Variants in GADL1 observed in about 807,000 individuals in gnomAD.
GADL1 encodes the protein acidic amino acid decarboxylase GADL1.
Under a neutral mutation model 69.5 loss-of-function variants are expected in GADL1, and 71 were observed. That is an observed-to-expected ratio of 1.02 (90% CI 0.84 to 1.25). The LOEUF is 1.25. Ranked by LOEUF, GADL1 falls within the 50% of genes most tolerant of loss-of-function variation. GADL1 has a pLI of 0.00. For missense variants in GADL1, 737 were observed against 631.8 expected (o/e 1.17, Z -1.79); for synonymous variants, 254 against 214.4 (o/e 1.18, Z -1.62).
At chr3:30,873,060 A>G (rs1174402889) in intron 1 of GADL1, among the ~76,000 whole-genome samples, 1 of 151,914 alleles carries the variant, frequency 6.6e-6, no homozygotes, top group Non-Finnish European at 1.5e-5. Context: ...TAGTGCAGTC[A>G]TAGCAAAAAG....
chr3:30,893,590 T>C (rs1240971946), intron 1 of GADL1, among the ~76,000 whole-genome samples: 1 of 152,200 alleles, frequency 6.6e-6, no homozygotes, highest in Non-Finnish European at 1.5e-5. Context: ...GTGCCAGGTT[T>C]TATTATGCCA....
chr3:30,757,617 G>A (rs1696007926), intron 14 of GADL1, among the ~76,000 whole-genome samples: 1 of 152,032 alleles, frequency 6.6e-6, no homozygotes, highest in African/African-American at 2.4e-5. Context: ...TATTTTCTAG[G>A]GCACATAACC....
intron 1 of GADL1, among the ~76,000 whole-genome samples, chr3:30,890,438 C>T (rs1698772223): frequency 6.6e-6 from 1 of 152,126 alleles, no homozygotes; most frequent in South Asian, 2.1e-4. Flanking sequence ...ATGGGCAATA[C>T]AGCCTTTACC....
At chr3:30,812,314 C>T (rs558481653) in intron 11 of GADL1, among the ~76,000 whole-genome samples, 39 of 152,200 alleles carry the variant, frequency 2.6e-4, no homozygotes, top group Non-Finnish European at 2.4e-4. Flanking sequence ...GTATATTAGT[C>T]TGTTTTCATG....
At chr3:30,859,959 T>TC in intron 2 of GADL1, among the ~76,000 whole-genome samples, 1 of 151,986 alleles carries the variant, frequency 6.6e-6, no homozygotes, top group South Asian at 2.1e-4. Flanking sequence ...ATCTTATTAG[T>TC]CCCCTGTGTG....
chr3:30,846,074 A>G (rs9842068), intron 6 of GADL1, among the ~76,000 whole-genome samples: 74,531 of 149,866 alleles, frequency 0.5, 20,930 homozygotes, highest in African/African-American at 0.76. Context: ...AAAAACAAAA[A>G]ACTGCAAAAC....
intron 4 of GADL1, 54 bp downstream of exon 4, chr3:30,854,645 A>G (rs757874638): frequency 2.5e-4 from 257 of 1,020,344 alleles, no homozygotes; most frequent in Non-Finnish European, 3.7e-4. Context: ...AATTTCATCT[A>G]CTTAAAGTCT....
intron 4 of GADL1, 29 bp downstream of exon 4, chr3:30,854,670 G>C: frequency 7.5e-7 from 1 of 1,326,184 alleles, no homozygotes; most frequent in Non-Finnish European, 1.1e-6. Context: ...TCCACGTTTG[G>C]TGTGAAATTT....
chr3:30,729,074 G>A (rs1408007804), intron 14 of GADL1, among the ~76,000 whole-genome samples: 1 of 152,124 alleles, frequency 6.6e-6, no homozygotes, highest in Admixed American at 6.6e-5. Context: ...AGATGTAAAT[G>A]TGGTAATAAA....
At chr3:30,776,835 C>CT (rs1342108050) in intron 14 of GADL1, among the ~76,000 whole-genome samples, 3 of 152,208 alleles carry the variant, frequency 2.0e-5, no homozygotes, top group Non-Finnish European at 4.4e-5. Flanking sequence ...ATCACTGCTT[C>CT]TTTGCACCCC....
intron 11 of GADL1, among the ~76,000 whole-genome samples, chr3:30,810,252 G>A (rs893963662): frequency 8.5e-5 from 13 of 152,112 alleles, no homozygotes; most frequent in African/African-American, 4.8e-5. Flanking sequence ...GGTTTCCCAC[G>A]AAATGTGATT....
In GADL1 at chr3:30,863,971, T is replaced by G. The variant is rs573511794; in HGVS notation, c.38-2206A>C. ...AATCTGCAGCAAAGGATCAATCTTT[T>G]GTCCTCTCACTGAAAAAGAAGCCAT... On this transcript the variant is annotated intron_variant, in intron 1 of 14. Coordinates refer to ENST00000282538, the MANE Select transcript of GADL1 (RefSeq NM_207359.3). Among the ~76,000 whole-genome samples the G allele has an allele frequency of 7.9e-5, 12 of 152,166 alleles. No individual in the cohort carries two copies. In the South Asian group the frequency reaches 2.5e-3, roughly 32 times the overall value.
chr3:30,771,828 T>C (rs1342341047), intron 14 of GADL1, among the ~76,000 whole-genome samples: 2 of 152,224 alleles, frequency 1.3e-5, no homozygotes, highest in Non-Finnish European at 2.9e-5. Flanking sequence ...TGCATGTGTG[T>C]ATGCATATCT....
intron 8 of GADL1, among the ~76,000 whole-genome samples, chr3:30,840,594 T>C (rs1344936920): frequency 1.3e-5 from 2 of 152,182 alleles, no homozygotes; most frequent in African/African-American, 2.4e-5. Flanking sequence ...AGAAAAATAA[T>C]TTACTAAAAC....
At chr3:30,864,519 A>G (rs956988299) in intron 1 of GADL1, among the ~76,000 whole-genome samples, 2 of 152,030 alleles carry the variant, frequency 1.3e-5, no homozygotes, top group Admixed American at 1.3e-4. Flanking sequence ...ATCTAGGAGA[A>G]AATACTGTAA....
At chr3:30,776,529 G>GAT (rs1311055841) in intron 14 of GADL1, among the ~76,000 whole-genome samples, 2 of 152,218 alleles carry the variant, frequency 1.3e-5, no homozygotes, top group African/African-American at 4.8e-5. Context: ...TAAGGGCACA[G>GAT]ATATAACACC....
Position 30,760,434 on chromosome 3 carries a change from G to A in GADL1, c.1392+17745C>T, listed in dbSNP as rs184485337. ...CTAAATTCTGTCCAACCCTGAACTT[G>A]TCATAGCCACCAACTTCTAGCTACC... On this transcript the variant is annotated intron_variant, in intron 14 of 14. Transcript: ENST00000282538. Among the ~76,000 whole-genome samples, 232 of 152,194 alleles carry A rather than the reference G, an allele frequency of 1.5e-3. 1 individual carries two copies. The highest frequency in any genetic ancestry group is 7.1e-4 in the Non-Finnish European group (48 of 68,004).
At chr3:30,839,908 C>T (rs961208286) in intron 8 of GADL1, among the ~76,000 whole-genome samples, 2 of 152,026 alleles carry the variant, frequency 1.3e-5, no homozygotes, top group Non-Finnish European at 2.9e-5. Flanking sequence ...TTAAAGGACT[C>T]TATGCCAATC....
intron 6 of GADL1, among the ~76,000 whole-genome samples, chr3:30,846,134 A>AG (rs1232715426): frequency 1.8e-4 from 27 of 151,684 alleles, no homozygotes; most frequent in African/African-American, 6.1e-4. Flanking sequence ...CCTGGAAGGG[A>AG]GAACAAAAGA....
Sources: gnomAD v4.1 joint callset for allele counts (sites outside exome capture counted in the v4.1 genomes callset) on GRCh38, gnomAD v4.1.1 for gene constraint, MANE v1.5 for transcripts, NCBI Gene and HGNC (gene_info 2026-07-23, HGNC 2026-07-21) for gene names.